MTOR: variants seen among roughly 807,000 people sequenced by gnomAD.
MTOR encodes mechanistic target of rapamycin kinase, also known as serine/threonine-protein kinase mTOR.
A neutral mutation model predicts 319.8 loss-of-function variants in MTOR; 70 were observed. That is an observed-to-expected ratio of 0.22 (90% CI 0.18 to 0.27). MTOR has a LOEUF of 0.27. Among genes scored for constraint, MTOR ranks in the 10% least tolerant of loss-of-function variants. The probability of loss-of-function intolerance (pLI) is 1.00; values close to 1 mark genes in which losing one functional copy is unlikely to be tolerated. For synonymous variants in MTOR, 1,183 were observed against 1,211.4 expected (o/e 0.98, Z 0.49); for missense variants, 1,890 against 3,274.4 (o/e 0.58, Z 10.32).
In MTOR at chr1:11,209,328, G is replaced by A. The variant is rs1251643430; in HGVS notation, c.3785C>T (p.Thr1262Ile). 6.2e-7 allele frequency: 1 copy of A among 1,614,158 alleles called. No individual in the cohort carries two copies. The highest frequency in any genetic ancestry group is 8.5e-7 in the Non-Finnish European group (1 of 1,180,022). Residue 1262 changes from threonine to isoleucine, a missense_variant, in exon 25 of 58, where the codon ACC becomes ATC. By Grantham distance (89) the Thr-to-Ile change is moderately conservative. Transcript: ENST00000361445. The part of the protein sequence containing the change: ...TGPMKKLHVS[T>I]INLQKAWGAA... ...TGGACTTGCCTTTTGGAGGTTGATG[G>A]TGCTGACGTGCAGTTTCTTCATGGG...
intron 6 of MTOR, among the ~76,000 whole-genome samples, chr1:11,251,187 G>C (rs1649624637): frequency 6.6e-6 from 1 of 152,062 alleles, no homozygotes; most frequent in Non-Finnish European, 1.5e-5. Flanking sequence ...GTGTTCCTCT[G>C]ACCCCATATC....
intron 36 of MTOR, among the ~76,000 whole-genome samples, chr1:11,136,798 G>GTT (rs903753221): frequency 1.4e-5 from 2 of 138,762 alleles, no homozygotes; most frequent in Non-Finnish European, 3.2e-5. Context: ...CCACCCTTTA[G>GTT]TTTTTTTTTT....
At position 11,243,198 on chromosome 1, in the gene MTOR, G is replaced by A. The variant is rs971203972; in HGVS notation, c.1328C>T (p.Ala443Val). The A allele has an allele frequency of 6.2e-7, 1 of 1,614,140 alleles. No individual in the cohort carries two copies. Among genetic ancestry groups the A allele is most frequent in the Non-Finnish European group, 8.5e-7 (1 of 1,180,032 alleles). ...ATAGACCTTAAACTCAGACCTCACA[G>A]CCACAGAAAGTAGCCCCAGGGCTTG... The part of the protein sequence containing the change: ...AFQALGLLSV[A>V]VRSEFKVYLP... Residue 443 changes from alanine to valine, a missense_variant, in exon 9 of 58, where the codon GCT becomes GTT. Ala to Val is a moderately conservative substitution (Grantham distance 64, BLOSUM62 0). Around this residue, in one of 15 missense-constraint regions of MTOR, gnomAD observed 418 missense variants for 543.1 expected, o/e 0.77. Coordinates refer to ENST00000361445, the MANE Select transcript of MTOR (RefSeq NM_004958.4).
intron 18 of MTOR, among the ~76,000 whole-genome samples, chr1:11,229,928 T>G (rs1353882324): frequency 6.6e-6 from 1 of 151,956 alleles, no homozygotes; most frequent in Non-Finnish European, 1.5e-5. Flanking sequence ...ATCATGCCAC[T>G]GTACTTCAGC....
At position 11,228,826 on chromosome 1, in the gene MTOR, TC is replaced by T. The variant is rs1280547681; in HGVS notation, c.2871del (p.Ile958SerfsTer66). The T allele has an allele frequency of 6.2e-7, 1 of 1,613,938 alleles. No homozygotes were observed. The highest frequency in any genetic ancestry group is 8.5e-7 in the Non-Finnish European group (1 of 1,180,028). ...TGAGAGAGTGACTGGTCTCGGAAGA[TC>T]CGCATCAGGGCCACCATGGACACAG... ...YPAVSMVALM[R>X]IFRDQSLSHH... On this transcript the variant is annotated frameshift_variant, in exon 19 of 58. Coordinates refer to ENST00000361445, the MANE Select transcript of MTOR (RefSeq NM_004958.4). LOFTEE classifies it high-confidence loss of function.
Position 11,240,689 on chromosome 1 carries a change from A to C in MTOR, c.1542-142T>G, listed in dbSNP as rs921540597. On this transcript the variant is annotated intron_variant, in intron 10 of 57. Transcript: ENST00000361445. Reference sequence around the variant, plus strand: ...AAGGATATTATAAAATAAGAATAAAAGTGTAAACTCTCTTGGCTTAGTCTC... The same window carrying C: ...AAGGATATTATAAAATAAGAATAAACGTGTAAACTCTCTTGGCTTAGTCTC... 3.5e-6 allele frequency: 4 copies of C among 1,134,092 alleles called. No individual in the cohort carries two copies. In the African/African-American group the frequency reaches 4.7e-5, roughly 13 times the overall value. The allele number at this position is 1,134,092 out of a possible 1,614,324, so 70.3% of individuals were successfully genotyped here. A position where few individuals can be genotyped will look rare whatever the true frequency, so the allele number is the denominator to read the frequency against.
intron 5 of MTOR, among the ~76,000 whole-genome samples, chr1:11,254,465 T>C (rs1650101431): frequency 6.6e-6 from 1 of 152,100 alleles, no homozygotes; most frequent in Non-Finnish European, 1.5e-5. Context: ...ATAATAAGCC[T>C]TTGAGGAAGA....
intron 14 of MTOR, 141 bp downstream of exon 14, chr1:11,234,002 T>C: frequency 1.7e-6 from 2 of 1,175,054 alleles, no homozygotes; most frequent in Non-Finnish European, 2.5e-6. Context: ...GTGCTTGATA[T>C]GGCCCTTTGG....
intron 28 of MTOR, among the ~76,000 whole-genome samples, chr1:11,169,318 G>A (rs903350685): frequency 6.6e-6 from 1 of 152,222 alleles, no homozygotes; most frequent in African/African-American, 2.4e-5. Flanking sequence ...AGTGGGAAGG[G>A]AGAGGTGTTA....
intron 28 of MTOR, among the ~76,000 whole-genome samples, chr1:11,177,135 G>A (rs140503712): frequency 1.4e-3 from 218 of 152,272 alleles, no homozygotes; most frequent in African/African-American, 5.0e-3. Flanking sequence ...TATATATTAA[G>A]AGAAGGCTGG....
intron 28 of MTOR, 152 bp from the exon 29 acceptor site, chr1:11,167,669 G>C (rs1644688672): frequency 1.6e-6 from 1 of 635,258 alleles, no homozygotes; most frequent in Non-Finnish European, 2.8e-6. Context: ...CATCCAGAAA[G>C]CTCAGTTTAA....
intron 30 of MTOR, among the ~76,000 whole-genome samples, chr1:11,151,549 G>T (rs1306056038): frequency 1.3e-5 from 2 of 152,164 alleles, no homozygotes; most frequent in Non-Finnish European, 2.9e-5. Flanking sequence ...AGATGGCTGG[G>T]CTCCACCCTC....
chr1:11,204,446 C>A, intron 26 of MTOR, 115 bp downstream of exon 26: 3 of 1,383,118 alleles, frequency 2.2e-6, no homozygotes, highest in Non-Finnish European at 2.9e-6. Flanking sequence ...TTGTATCCCA[C>A]AAAATTAGAA....
rs146512381 is a variant in MTOR, at chr1:11,163,421, C to T, written c.4329+4021G>A. Among the ~76,000 whole-genome samples the T allele has an allele frequency of 1.6e-3, 241 of 152,282 alleles. 1 individual carries two copies. Among genetic ancestry groups the T allele is most frequent in the African/African-American group, 5.4e-3 (223 of 41,560 alleles). ...TATCCAGGAATTGAACTCAGCTCTG[C>T]GCCAAGTGGACCTAATACACATCTA... On this transcript the variant is annotated intron_variant, in intron 29 of 57. Transcript: ENST00000361445.
chr1:11,130,080 G>T (rs1643038540), intron 39 of MTOR, among the ~76,000 whole-genome samples: 1 of 152,228 alleles, frequency 6.6e-6, no homozygotes, highest in African/African-American at 2.4e-5. Flanking sequence ...GAGGGAGGAG[G>T]TGGAGCTGAG....
At chr1:11,232,333 T>A (rs948990360) in intron 16 of MTOR, 103 bp downstream of exon 16, 11 of 740,954 alleles carry the variant, frequency 1.5e-5, no homozygotes, top group Middle Eastern at 2.5e-4. Context: ...TGTGTCACAC[T>A]CTGTTCTAGG....
At chr1:11,168,306 GT>G (rs1439268078) in intron 28 of MTOR, among the ~76,000 whole-genome samples, 9 of 151,640 alleles carry the variant, frequency 5.9e-5, no homozygotes, top group Admixed American at 4.6e-4. Context: ...AGCCTCCTGA[GT>G]AGCTGGGATT....
At chr1:11,230,844 G>A in intron 18 of MTOR, 81 bp downstream of exon 18, 2 of 1,584,956 alleles carry the variant, frequency 1.3e-6, no homozygotes, top group Non-Finnish European at 1.7e-6. Flanking sequence ...CAGTAATCCA[G>A]CTCCAGACTT....
chr1:11,191,483 C>A lies in MTOR; in HGVS notation c.4253+7775G>T, dbSNP rs28990997. On this transcript the variant is annotated intron_variant, in intron 28 of 57. Coordinates refer to ENST00000361445, the MANE Select transcript of MTOR (RefSeq NM_004958.4). ...GCAGTGGTCACCAAGAAAAGCACCC[C>A]GAGACATAGCAGGCAGGAAGCTTCT... Among the ~76,000 whole-genome samples, 1,363 of 152,252 alleles carry A rather than the reference C, an allele frequency of 9.0e-3. 10 individuals carry two copies. The highest frequency in any genetic ancestry group is 0.02 in the Middle Eastern group (6 of 294).
Sources: gnomAD v4.1 joint callset for allele counts (sites outside exome capture counted in the v4.1 genomes callset) on GRCh38, gnomAD v4.1.1 for gene constraint, gnomAD v4.1.1 regional missense constraint, MANE v1.5 for transcripts, NCBI Gene and HGNC (gene_info 2026-07-23, HGNC 2026-07-21) for gene names.